Variants in ANO1 observed in about 807,000 individuals in gnomAD.
ANO1 encodes the protein anoctamin-1.
A neutral mutation model predicts 124.0 loss-of-function variants in ANO1; 59 were observed. The observed-to-expected ratio is 0.48, with a 90% CI of 0.39 to 0.59. The LOEUF is 0.59. Among genes scored for constraint, ANO1 ranks in the 20% least tolerant of loss-of-function variants. The pLI is 0.00. For synonymous variants in ANO1, 529 were observed against 532.0 expected, an observed-to-expected ratio of 0.99 and a Z score of 0.08; for missense variants, 1,059 against 1,328.0, an observed-to-expected ratio of 0.80 and a Z score of 3.15.
chr11:70,067,808 C>T (rs566525404), intron 1 of ANO1, among the ~76,000 whole-genome samples: 1 of 152,290 alleles, frequency 6.6e-6, no homozygotes, highest in Admixed American at 6.5e-5. Context: ...TTCCTAGTTA[C>T]CAGTGACCGT....
chr11:69,997,133 GA>G (rs1373651127), intron 1 of ANO1, among the ~76,000 whole-genome samples: 1 of 152,092 alleles, frequency 6.6e-6, no homozygotes, highest in African/African-American at 2.4e-5. Context: ...TCTTTTGGGG[GA>G]AAGCATCCAT....
chr11:70,141,570 T>C (rs1395152974), intron 11 of ANO1: 1 of 152,206 alleles, frequency 6.6e-6, no homozygotes, highest in African/African-American at 2.4e-5. Flanking sequence ...CACGAAGCAT[T>C]TGCTTTAGAG....
At chr11:70,118,961 G>A (rs1408226544) in intron 8 of ANO1, among the ~76,000 whole-genome samples, 1 of 146,792 alleles carries the variant, frequency 6.8e-6, no homozygotes, top group Non-Finnish European at 1.5e-5. Flanking sequence ...TGGGTAGGTG[G>A]GTGAATGGGT....
chr11:70,127,876 T>C (rs2515275), intron 10 of ANO1, among the ~76,000 whole-genome samples: 126,027 of 152,250 alleles, frequency 0.83, 52,302 homozygotes, highest in Middle Eastern at 0.9. Context: ...CAAATCGCTC[T>C]GCCAGGGAAT....
At chr11:70,141,780 T>A (rs2047162282) in intron 11 of ANO1, 1 of 152,260 alleles carries the variant, frequency 6.6e-6, no homozygotes, top group South Asian at 2.1e-4. Flanking sequence ...CTCTAAGGGA[T>A]TATTTTTCCT....
chr11:70,165,089 G>T (rs563013007), intron 19 of ANO1, among the ~76,000 whole-genome samples: 81 of 152,268 alleles, frequency 5.3e-4, no homozygotes, highest in Non-Finnish European at 1.0e-3. Context: ...GGTTCTAGGG[G>T]AGGACCTGCC....
intron 1 of ANO1, among the ~76,000 whole-genome samples, chr11:69,993,967 G>A (rs1856207029): frequency 6.6e-6 from 1 of 152,144 alleles, no homozygotes. Context: ...CTCTCCCTGG[G>A]CACTCACGCA....
chr11:70,138,065 C>T (rs1411672775), intron 11 of ANO1, among the ~76,000 whole-genome samples: 1 of 147,592 alleles, frequency 6.8e-6, no homozygotes, highest in African/African-American at 2.4e-5. Flanking sequence ...TAACAGCTGG[C>T]TGGGCGCGGT....
At chr11:69,969,952 C>T in the ANO1 span, among the ~76,000 whole-genome samples, 1 of 151,954 alleles carries the variant, frequency 6.6e-6, no homozygotes, top group Non-Finnish European at 1.5e-5. Flanking sequence ...TCTCAAAAAA[C>T]AAACAAACAA....
At chr11:70,077,911 G>A (rs2044083643), upstream of ANO1, among the ~76,000 whole-genome samples, 2 of 152,144 alleles carry the variant, frequency 1.3e-5, no homozygotes, top group African/African-American at 4.8e-5. Flanking sequence ...GCTGGAGGGG[G>A]CGGGTCGGCA....
At position 70,111,361 on chromosome 11, in the gene ANO1, T is replaced by C. The variant is rs541219584; in HGVS notation, c.800-346T>C. Among the ~76,000 whole-genome samples, 6 of 152,170 alleles carry C rather than the reference T, an allele frequency of 3.9e-5. No individual in the cohort carries two copies. The South Asian group carries it at 1.2e-3, about 32-fold the overall frequency. Reference sequence around the variant, plus strand: ...ATCTGCAGGCTTGCCCTCGGACAGGTGGGGGGAGCCGGTGAATCGGAGGCT... The same window carrying C: ...ATCTGCAGGCTTGCCCTCGGACAGGCGGGGGGAGCCGGTGAATCGGAGGCT... On this transcript the variant is annotated intron_variant, in intron 6 of 25. Coordinates refer to ENST00000355303, the MANE Select transcript of ANO1 (RefSeq NM_018043.7).
chr11:70,066,736 T>G (rs7942534), intron 1 of ANO1, among the ~76,000 whole-genome samples: 82,814 of 151,840 alleles, frequency 0.55, 23,123 homozygotes, highest in East Asian at 0.68. Flanking sequence ...GCAGGGATGC[T>G]GCCAGCTCCA....
intron 22 of ANO1, among the ~76,000 whole-genome samples, chr11:70,179,173 G>C (rs1378280276): frequency 1.3e-5 from 2 of 152,216 alleles, no homozygotes; most frequent in East Asian, 3.9e-4. Context: ...ACGAGTGCTG[G>C]TTATCACCCA....
At chr11:70,019,793 T>A (rs1456217181) in intron 1 of ANO1, among the ~76,000 whole-genome samples, 1 of 152,248 alleles carries the variant, frequency 6.6e-6, no homozygotes, top group Non-Finnish European at 1.5e-5. Context: ...TAATGAAAGC[T>A]TTCCCAGCCA....
chr11:69,970,779 G>T, the ANO1 span, among the ~76,000 whole-genome samples: 1 of 152,196 alleles, frequency 6.6e-6, no homozygotes, highest in Non-Finnish European at 1.5e-5. Context: ...GGATCCCAAG[G>T]CTGGTAGGGG....
intron 1 of ANO1, among the ~76,000 whole-genome samples, chr11:70,084,261 C>G (rs1188632778): frequency 2.0e-5 from 3 of 152,166 alleles, no homozygotes; most frequent in Admixed American, 2.0e-4. Context: ...TCCGGTCGGG[C>G]TCTTTTGCCC....
intron 1 of ANO1, among the ~76,000 whole-genome samples, chr11:70,066,423 C>T (rs1857720262): frequency 6.6e-6 from 1 of 152,124 alleles, no homozygotes; most frequent in African/African-American, 2.4e-5. Context: ...CATGACTTGT[C>T]CAAAGACACC....
chr11:70,092,956 G>T (rs2044690496), intron 2 of ANO1, among the ~76,000 whole-genome samples: 1 of 151,952 alleles, frequency 6.6e-6, no homozygotes, highest in Non-Finnish European at 1.5e-5. Flanking sequence ...GGCAGGAAAA[G>T]AGAAGGGCCC....
chr11:70,052,389 A>AT (rs1857361414), intron 1 of ANO1, among the ~76,000 whole-genome samples: 1 of 152,052 alleles, frequency 6.6e-6, no homozygotes, highest in Admixed American at 6.6e-5. Flanking sequence ...GGCCTTTGGC[A>AT]TTTCCACATA....
Sources: gnomAD v4.1 joint callset for allele counts (sites outside exome capture counted in the v4.1 genomes callset) on GRCh38, gnomAD v4.1.1 for gene constraint, MANE v1.5 for transcripts, NCBI Gene and HGNC (gene_info 2026-07-23, HGNC 2026-07-21) for gene names.